The following CCDC146 variants were observed in gnomAD, a reference collection of about 807,000 sequenced individuals.
CCDC146 encodes coiled-coil domain-containing protein 146.
Under a neutral mutation model 119.3 loss-of-function variants are expected in CCDC146, and 92 were observed. The observed-to-expected ratio is 0.77, with a 90% CI of 0.65 to 0.92. The LOEUF (loss-of-function observed/expected upper bound fraction) is 0.92. Ranked by LOEUF, CCDC146 falls within the 40% of genes least tolerant of loss-of-function variation. The pLI is 0.00. For synonymous variants in CCDC146, 372 were observed against 371.8 expected (o/e 1.00, Z -0.01); for missense variants, 1,000 against 1,103.0 (o/e 0.91, Z 1.32).
intron 9 of CCDC146, among the ~76,000 whole-genome samples, chr7:77,270,914 C>G (rs921517473): frequency 8.5e-5 from 13 of 152,122 alleles, no homozygotes; most frequent in Non-Finnish European, 1.2e-4. Context: ...TGGCCAGCTC[C>G]TTTTAACAGG....
At chr7:77,185,702 A>G (rs1404547662) in intron 2 of CCDC146, among the ~76,000 whole-genome samples, 2 of 152,210 alleles carry the variant, frequency 1.3e-5, no homozygotes, top group African/African-American at 4.8e-5. Context: ...AAACATGCAC[A>G]AGCGTCAAGA....
intron 10 of CCDC146, 71 bp downstream of exon 10, chr7:77,273,860 C>G: frequency 2.2e-6 from 2 of 917,834 alleles, no homozygotes; most frequent in Non-Finnish European, 3.5e-6. Flanking sequence ...TAACTGTGCT[C>G]CACAAAACCT....
Position 77,187,431 on chromosome 7 carries a change from C to A in CCDC146, c.156+19607C>A, listed in dbSNP as rs557304569. On this transcript the variant is annotated intron_variant, in intron 2 of 18. Transcript: ENST00000285871. ...TTGGGGCCTAGTACATAAGCTCAGT[C>A]CAAAATAATGGCCTTCCATAATTTT... 1.5e-3 allele frequency among the ~76,000 whole-genome samples: 226 copies of A among 152,306 alleles called. 2 individuals are homozygous for A. The highest frequency in any genetic ancestry group is 3.4e-3 in the Middle Eastern group (1 of 294).
rs930643794 is a variant in CCDC146, at chr7:77,295,082, T to G, written c.*216T>G. 7.8e-6 allele frequency: 4 copies of G among 511,876 alleles called. No homozygotes were observed. The highest frequency in any genetic ancestry group is 1.4e-5 in the Non-Finnish European group (4 of 289,380). The allele number at this position is 511,876 out of a possible 1,614,324, so 31.7% of individuals were successfully genotyped here. A position where few individuals can be genotyped will look rare whatever the true frequency, so the allele number is the denominator to read the frequency against. On this transcript the variant is annotated 3_prime_UTR_variant, in exon 19 of 19. Transcript: ENST00000285871. The stretch of plus-strand genomic sequence containing the variant: ...GACATAGAACTGTCCTACATTTATG[T>G]CAAAGTATATATTTGAATCGCTTAT...
chr7:77,269,060 T>C (rs1793460914), intron 9 of CCDC146, among the ~76,000 whole-genome samples: 1 of 152,250 alleles, frequency 6.6e-6, no homozygotes, highest in Admixed American at 6.5e-5. Context: ...GATTATTTAA[T>C]TTTGTCCATT....
intron 2 of CCDC146, among the ~76,000 whole-genome samples, chr7:77,173,495 G>GGC (rs1453880144): frequency 6.6e-6 from 1 of 151,850 alleles, no homozygotes; most frequent in Non-Finnish European, 1.5e-5. Context: ...CAGGTGTGGT[G>GGC]GTGCATGCCT....
intron 1 of CCDC146, among the ~76,000 whole-genome samples, chr7:77,147,648 G>A (rs1222838453): frequency 6.6e-6 from 1 of 152,218 alleles, no homozygotes; most frequent in Non-Finnish European, 1.5e-5. Context: ...CTCAGCTGCA[G>A]GTCTGTTGGA....
At chr7:77,269,631 A>T (rs1793471827) in intron 9 of CCDC146, among the ~76,000 whole-genome samples, 1 of 152,254 alleles carries the variant, frequency 6.6e-6, no homozygotes, top group South Asian at 2.1e-4. Flanking sequence ...ATTTTAACAA[A>T]TATTATAAAA....
At chr7:77,272,376 C>T (rs1481660619) in intron 9 of CCDC146, among the ~76,000 whole-genome samples, 2 of 152,130 alleles carry the variant, frequency 1.3e-5, no homozygotes, top group Non-Finnish European at 2.9e-5. Context: ...ACTGAAGATA[C>T]CCTGATTCAT....
intron 1 of CCDC146, among the ~76,000 whole-genome samples, chr7:77,138,998 A>G (rs1234486259): frequency 2.0e-5 from 3 of 152,236 alleles, no homozygotes; most frequent in Admixed American, 6.5e-5. Context: ...TCCAGCAATC[A>G]TGCTCCTTAA....
rs1018016175 is a variant in CCDC146, at chr7:77,127,445, G to A, written c.-12+4713G>A. Reference sequence around the variant, plus strand: ...GCCTTTCCTCCCTACTGCAGCCAGCGTGATGGCACCAGCCACTGCCATCAT... The same window carrying A: ...GCCTTTCCTCCCTACTGCAGCCAGCATGATGGCACCAGCCACTGCCATCAT... On this transcript the variant is annotated intron_variant, in intron 1 of 18. Transcript: ENST00000285871. Among the ~76,000 whole-genome samples the A allele has an allele frequency of 2.6e-5, 4 of 152,154 alleles. No homozygotes were observed. In the East Asian group the frequency reaches 7.7e-4, roughly 29 times the overall value.
At chr7:77,166,848 GA>G (rs1407927612) in intron 1 of CCDC146, among the ~76,000 whole-genome samples, 3 of 152,040 alleles carry the variant, frequency 2.0e-5, no homozygotes, top group Admixed American at 6.6e-5. Flanking sequence ...ATGATTTGAG[GA>G]AAAAAATTTT....
chr7:77,238,554 C>T (rs1341581899), intron 3 of CCDC146, among the ~76,000 whole-genome samples: 1 of 152,092 alleles, frequency 6.6e-6, no homozygotes, highest in African/African-American at 2.4e-5. Context: ...GTAGCTAGGA[C>T]TACAGGAGCC....
chr7:77,186,190 T>C (rs1195998727), intron 2 of CCDC146, among the ~76,000 whole-genome samples: 1 of 152,180 alleles, frequency 6.6e-6, no homozygotes, highest in Non-Finnish European at 1.5e-5. Flanking sequence ...ACATCTGCAC[T>C]CCCATGTTTA....
At chr7:77,146,588 C>G (rs1312441074) in intron 1 of CCDC146, among the ~76,000 whole-genome samples, 3 of 152,100 alleles carry the variant, frequency 2.0e-5, no homozygotes, top group South Asian at 4.1e-4. Context: ...TTCAGGAGCT[C>G]TTTTAGGGAA....
intron 8 of CCDC146, among the ~76,000 whole-genome samples, chr7:77,261,157 A>G (rs1793288815): frequency 6.6e-6 from 1 of 152,076 alleles, no homozygotes; most frequent in Admixed American, 6.5e-5. Context: ...TCAAGGTTAC[A>G]CATACAGGTT....
chr7:77,291,030 G>C (rs938392314), intron 17 of CCDC146, among the ~76,000 whole-genome samples: 6 of 152,164 alleles, frequency 3.9e-5, no homozygotes, highest in Admixed American at 3.3e-4. Context: ...ATTTGGGGGG[G>C]TGCCTCTTAT....
intron 6 of CCDC146, among the ~76,000 whole-genome samples, chr7:77,257,002 A>T (rs1793193010): frequency 1.3e-5 from 2 of 152,104 alleles, no homozygotes; most frequent in Non-Finnish European, 2.9e-5. Flanking sequence ...GCTACTTGGG[A>T]GGCTGAGGCA....
chr7:77,132,029 C>A (rs1241468288), intron 1 of CCDC146, among the ~76,000 whole-genome samples: 1 of 152,042 alleles, frequency 6.6e-6, no homozygotes, highest in Non-Finnish European at 1.5e-5. Flanking sequence ...GAACTGTAAA[C>A]AAAAAGAGTA....
Sources: allele counts gnomAD v4.1 joint callset (sites outside exome capture counted in the v4.1 genomes callset), GRCh38; gene constraint gnomAD v4.1.1; transcripts MANE v1.5; gene names NCBI Gene and HGNC (gene_info 2026-07-23, HGNC 2026-07-21).